Variants in PIP5K1B observed in about 807,000 individuals in gnomAD.
PIP5K1B encodes the protein phosphatidylinositol-4-phosphate 5-kinase type 1 beta, also known as phosphatidylinositol 4-phosphate 5-kinase type-1 beta.
A neutral mutation model predicts 67.0 loss-of-function variants in PIP5K1B; 42 were observed. That is an observed-to-expected ratio of 0.63 (90% CI 0.49 to 0.81). The LOEUF is 0.81. Among genes scored for constraint, PIP5K1B ranks in the 30% least tolerant of loss-of-function variants. The pLI is 0.00. For missense variants in PIP5K1B, 459 were observed against 646.3 expected (o/e 0.71, Z 3.14); for synonymous variants, 214 against 231.4 (o/e 0.92, Z 0.68).
chr9:68,904,229 G>A (rs1700375775), intron 8 of PIP5K1B, among the ~76,000 whole-genome samples: 1 of 152,176 alleles, frequency 6.6e-6, no homozygotes, highest in African/African-American at 2.4e-5. Flanking sequence ...TGTAATGGTG[G>A]TAAGGCCACT....
chr9:68,980,933 A>G (rs1829857407), intron 14 of PIP5K1B, among the ~76,000 whole-genome samples: 1 of 152,152 alleles, frequency 6.6e-6, no homozygotes, highest in Non-Finnish European at 1.5e-5. Context: ...AGCAATTATG[A>G]CTCTGAACCC....
intron 4 of PIP5K1B, among the ~76,000 whole-genome samples, chr9:68,835,175 GC>G (rs1174483934): frequency 6.6e-6 from 1 of 152,196 alleles, no homozygotes; most frequent in East Asian, 1.9e-4. Context: ...CAATAGCCTA[GC>G]AGTTTTAAAA....
At position 68,808,526 on chromosome 9, in the gene PIP5K1B, G is replaced by C. The variant is rs373216578; in HGVS notation, c.-85-9935G>C. Among the ~76,000 whole-genome samples the C allele has an allele frequency of 4.6e-5, 7 of 152,226 alleles. No individual in the cohort carries two copies. In the East Asian group the frequency reaches 7.7e-4, roughly 17 times the overall value. On this transcript the variant is annotated intron_variant, in intron 2 of 15. Coordinates refer to ENST00000265382, the MANE Select transcript of PIP5K1B (RefSeq NM_003558.4). ...CAGTGTTTTTCATGAAAGGCTGTGA[G>C]TTACATTGGTCTGAAAGCAACACAT...
At chr9:68,850,578 A>C (rs1822428922) in intron 4 of PIP5K1B, among the ~76,000 whole-genome samples, 1 of 152,236 alleles carries the variant, frequency 6.6e-6, no homozygotes, top group Admixed American at 6.5e-5. Flanking sequence ...TAGATGCTGC[A>C]GACAACCAGT....
chr9:68,707,296 A>G (rs1362446345), intron 1 of PIP5K1B, among the ~76,000 whole-genome samples: 1 of 152,138 alleles, frequency 6.6e-6, no homozygotes, highest in Non-Finnish European at 1.5e-5. Flanking sequence ...TAATAATAAC[A>G]CCTTACATTT....
intron 1 of PIP5K1B, among the ~76,000 whole-genome samples, chr9:68,711,009 TA>T (rs1377874109): frequency 6.6e-6 from 1 of 152,226 alleles, no homozygotes; most frequent in Admixed American, 6.5e-5. Flanking sequence ...TTGTAAGTAC[TA>T]GGGGTCCAGA....
intron 14 of PIP5K1B, among the ~76,000 whole-genome samples, chr9:68,989,873 G>A (rs1830282090): frequency 2.0e-5 from 3 of 152,032 alleles, no homozygotes; most frequent in Non-Finnish European, 2.9e-5. Context: ...CCAGCTACTC[G>A]GGAGGCTGAG....
chr9:68,715,128 G>C (rs1186596108), intron 1 of PIP5K1B, among the ~76,000 whole-genome samples: 1 of 152,194 alleles, frequency 6.6e-6, no homozygotes, highest in Non-Finnish European at 1.5e-5. Context: ...TGGCAGGATA[G>C]ATAAAGAAAC....
Position 68,917,654 on chromosome 9 carries a change from A to G in PIP5K1B, c.878A>G (p.Asp293Gly). The change falls in exon 9 of 16, where the codon GAT (aspartate) becomes GGT (glycine). Residue 293 changes from aspartate (D) to glycine (G), a missense_variant. By Grantham distance (94) the Asp-to-Gly change is moderately conservative (BLOSUM62 -1). This residue lies in a region of PIP5K1B where 290 missense variants were observed against 474.4 expected (regional missense o/e 0.61). Transcript: ENST00000265382. ...KEEETPQNVPDAKRTGMQKVL... is the reference protein window; with the variant it reads ...KEEETPQNVPGAKRTGMQKVL... ...GAGGAGACCCCACAAAATGTGCCTG[A>G]TGCTAAGCGGACTGGGATGCAGAAG... 1 of 1,614,068 alleles carries G rather than the reference A, an allele frequency of 6.2e-7. No individual in the cohort carries two copies. The highest frequency in any genetic ancestry group is 1.1e-5 in the South Asian group (1 of 91,066).
At chr9:68,806,803 C>T (rs992097657) in intron 2 of PIP5K1B, among the ~76,000 whole-genome samples, 1 of 152,166 alleles carries the variant, frequency 6.6e-6, no homozygotes, top group Non-Finnish European at 1.5e-5. Flanking sequence ...TTTTGATTCT[C>T]TAGGGAAATT....
chr9:68,907,013 G>A (rs1825647795), intron 8 of PIP5K1B, among the ~76,000 whole-genome samples: 1 of 152,222 alleles, frequency 6.6e-6, no homozygotes, highest in African/African-American at 2.4e-5. Context: ...TTTACTCTCT[G>A]TCCACTCAGA....
intron 14 of PIP5K1B, among the ~76,000 whole-genome samples, chr9:68,948,087 AT>A (rs1255076130): frequency 6.6e-6 from 1 of 152,222 alleles, no homozygotes; most frequent in Non-Finnish European, 1.5e-5. Context: ...CAAACACAGA[AT>A]GAGGGGAAAA....
intron 4 of PIP5K1B, among the ~76,000 whole-genome samples, chr9:68,846,035 A>G (rs1364056912): frequency 2.6e-5 from 4 of 152,226 alleles, no homozygotes; most frequent in Admixed American, 6.5e-5. Context: ...GGGGTAATAT[A>G]CGGGTTATGG....
chr9:68,715,284 A>G lies in PIP5K1B; in HGVS notation c.-243+9522A>G, dbSNP rs547473988. ...ACAGGGATCTGCCCCAGACTCTTCA[A>G]TGGCCTCCCTTTGTGCCTGGAGTGA... On this transcript the variant is annotated intron_variant, in intron 1 of 15. Coordinates refer to ENST00000265382, the MANE Select transcript of PIP5K1B (RefSeq NM_003558.4). 6.6e-5 allele frequency among the ~76,000 whole-genome samples: 10 copies of G among 152,224 alleles called. 1 individual carries two copies. The South Asian group carries it at 1.2e-3, about 19-fold the overall frequency.
rs114543892 is a variant in PIP5K1B, at chr9:68,748,555, G to T, written c.-86+5898G>T. ...TACAGACAGTGCTTAGAATACGCCT[G>T]GATTTGTAGTTTTCTTGCAGTAGGC... On this transcript the variant is annotated intron_variant, in intron 2 of 15. Transcript: ENST00000265382. 9.7e-3 allele frequency among the ~76,000 whole-genome samples: 1,472 copies of T among 151,622 alleles called. 27 individuals carry two copies. The highest frequency in any genetic ancestry group is 0.034 in the African/African-American group (1,397 of 41,280).
chr9:68,754,391 A>G (rs1001287687), intron 2 of PIP5K1B, among the ~76,000 whole-genome samples: 4 of 150,970 alleles, frequency 2.6e-5, no homozygotes, highest in Admixed American at 6.6e-5. Context: ...GGATGGTCTC[A>G]ATCTCCCGAC....
chr9:68,852,040 C>T (rs747765968), intron 4 of PIP5K1B, among the ~76,000 whole-genome samples: 6 of 152,100 alleles, frequency 3.9e-5, no homozygotes, highest in Non-Finnish European at 8.8e-5. Context: ...GGGAGGGGAA[C>T]ATCACACACC....
At chr9:68,825,549 A>T (rs868665224) in intron 4 of PIP5K1B, among the ~76,000 whole-genome samples, 9 of 152,246 alleles carry the variant, frequency 5.9e-5, no homozygotes, top group Non-Finnish European at 1.0e-4. Context: ...CAAATACCTT[A>T]AATTTCTTTC....
intron 2 of PIP5K1B, chr9:68,780,966 C>G: frequency 6.2e-7 from 1 of 1,614,248 alleles, no homozygotes; most frequent in Non-Finnish European, 8.5e-7. Context: ...CACCGACTCT[C>G]CTGTGTCACC....
Sources: gnomAD v4.1 joint callset for allele counts (sites outside exome capture counted in the v4.1 genomes callset) on GRCh38, gnomAD v4.1.1 for gene constraint, gnomAD v4.1.1 regional missense constraint, MANE v1.5 for transcripts, NCBI Gene and HGNC (gene_info 2026-07-23, HGNC 2026-07-21) for gene names.